The following ZZZ3 variants were observed in gnomAD, a reference collection of about 807,000 sequenced individuals.
ZZZ3 encodes the protein zinc finger ZZ-type containing 3, also known as ZZ-type zinc finger-containing protein 3.
ZZZ3 carries 22 observed loss-of-function variants against 95.2 expected under a neutral mutation model. That is an observed-to-expected ratio of 0.23 (90% CI 0.17 to 0.33). ZZZ3 has a LOEUF of 0.33. Ranked by LOEUF, ZZZ3 falls within the 10% of genes least tolerant of loss-of-function variation. ZZZ3 has a pLI of 1.00. For missense variants in ZZZ3, 885 were observed against 1,066.5 expected (o/e 0.83, Z 2.37); for synonymous variants, 335 against 358.9 (o/e 0.93, Z 0.75).
chr1:77,590,711 T>C (rs1271729149), intron 5 of ZZZ3, among the ~76,000 whole-genome samples: 1 of 152,266 alleles, frequency 6.6e-6, no homozygotes, highest in East Asian at 1.9e-4. Context: ...ATATAGATTG[T>C]GCAGTATATA....
At chr1:77,588,482 A>G (rs1244782901) in intron 5 of ZZZ3, among the ~76,000 whole-genome samples, 1 of 152,156 alleles carries the variant, frequency 6.6e-6, no homozygotes, top group Non-Finnish European at 1.5e-5. Context: ...TGTTTTATAG[A>G]GTATAAAGGG....
intron 6 of ZZZ3, among the ~76,000 whole-genome samples, 200 bp downstream of exon 6, chr1:77,584,317 A>G (rs1462182342): frequency 1.3e-5 from 2 of 152,190 alleles, no homozygotes; most frequent in Non-Finnish European, 2.9e-5. Context: ...GCTTCTAGCT[A>G]TTTTCATTTG....
At chr1:77,673,881 T>C (rs1672011645) in intron 1 of ZZZ3, among the ~76,000 whole-genome samples, 1 of 151,964 alleles carries the variant, frequency 6.6e-6, no homozygotes, top group African/African-American at 2.4e-5. Context: ...ATCATAAAAA[T>C]TAGAATGGGA....
chr1:77,623,418 A>G (rs1157426647), intron 5 of ZZZ3, among the ~76,000 whole-genome samples: 2 of 152,230 alleles, frequency 1.3e-5, no homozygotes, highest in African/African-American at 4.8e-5. Context: ...ACTACCAAGG[A>G]GCTATATAAA....
In ZZZ3 at chr1:77,578,840, T is replaced by A; in HGVS notation, c.2112A>T (p.Ile704=). 6.3e-7 allele frequency: 1 copy of A among 1,578,066 alleles called. No homozygotes were observed. Among genetic ancestry groups the A allele is most frequent in the Non-Finnish European group, 8.6e-7 (1 of 1,164,866 alleles). The change falls in exon 11 of 15, where the codon ATA becomes ATT. Residue 704 remains isoleucine (I), a synonymous_variant. Transcript: ENST00000370801. ...CTGGAATGCCAGCTTTAGTTAGCTT[T>A]ATGAAATACTTCTGTACTCGGCTGG... is the stretch of plus-strand genomic sequence containing the variant. ...QVASRVQKYF[I]KLTKAGIPVP... is the part of the protein sequence containing the mutation.
intron 1 of ZZZ3, among the ~76,000 whole-genome samples, chr1:77,676,289 C>T (rs1672261943): frequency 6.6e-6 from 1 of 152,160 alleles, no homozygotes; most frequent in South Asian, 2.1e-4. Flanking sequence ...ACCTCATCCT[C>T]CACAGTAGCT....
intron 5 of ZZZ3, among the ~76,000 whole-genome samples, chr1:77,628,409 A>G (rs1041775036): frequency 6.6e-6 from 1 of 152,196 alleles, no homozygotes; most frequent in Non-Finnish European, 1.5e-5. Flanking sequence ...GGGGTTCTCC[A>G]TTTGGAAAAA....
intron 13 of ZZZ3, among the ~76,000 whole-genome samples, chr1:77,567,486 T>C (rs1660938738): frequency 6.6e-6 from 1 of 152,220 alleles, no homozygotes; most frequent in Admixed American, 6.5e-5. Context: ...AATGTCATGT[T>C]ACTTTCTGCT....
Position 77,667,755 on chromosome 1 carries a change from T to C in ZZZ3, c.-403+14830A>G, listed in dbSNP as rs1671368583. On this transcript the variant is annotated intron_variant, in intron 1 of 14. Transcript: ENST00000370801. ...TTAATCTTATATACCATTAGTTAAA[T>C]GGGTATTCTTTTTTTTTTTTTTTTT... is the stretch of plus-strand genomic sequence containing the variant. Among the ~76,000 whole-genome samples the C allele has an allele frequency of 3.4e-5, 5 of 147,834 alleles. No individual in the cohort carries two copies. In the South Asian group the frequency reaches 1.1e-3, roughly 32 times the overall value.
chr1:77,612,435 T>G (rs1194648038), intron 5 of ZZZ3, among the ~76,000 whole-genome samples: 8 of 151,982 alleles, frequency 5.3e-5, no homozygotes, highest in African/African-American at 1.9e-4. Context: ...CAATCCCTCC[T>G]CTGGGCATTT....
In ZZZ3 at chr1:77,675,941, CTA is replaced by C. The variant is rs1672226894; in HGVS notation, c.-403+6642_-403+6643del. Among the ~76,000 whole-genome samples, 6 of 152,254 alleles carry C rather than the reference CTA, an allele frequency of 3.9e-5. No homozygotes were observed. The South Asian group carries it at 1.0e-3, about 26-fold the overall frequency. On this transcript the variant is annotated intron_variant, in intron 1 of 14. Coordinates refer to ENST00000370801, the MANE Select transcript of ZZZ3 (RefSeq NM_015534.6). ...AAATTTCAGTAAATGTATCATATTG[CTA>C]TCTCAACATTTGAAGAAGGTATTGT... is the stretch of plus-strand genomic sequence containing the variant.
intron 5 of ZZZ3, among the ~76,000 whole-genome samples, chr1:77,609,248 A>G (rs1386676571): frequency 1.3e-5 from 2 of 152,228 alleles, no homozygotes; most frequent in African/African-American, 4.8e-5. Flanking sequence ...TACTTTTATC[A>G]AACAAAATAG....
At chr1:77,588,532 GA>G (rs1255096443) in intron 5 of ZZZ3, among the ~76,000 whole-genome samples, 2 of 152,004 alleles carry the variant, frequency 1.3e-5, no homozygotes, top group Non-Finnish European at 2.9e-5. Flanking sequence ...ACAATATGAA[GA>G]AAAACCTTGT....
intron 1 of ZZZ3, among the ~76,000 whole-genome samples, chr1:77,670,490 C>T (rs1671675226): frequency 6.6e-6 from 1 of 152,040 alleles, no homozygotes. Context: ...AACTCCTGAC[C>T]TCAGATGATC....
intron 1 of ZZZ3, among the ~76,000 whole-genome samples, chr1:77,666,174 T>C (rs533193750): frequency 6.6e-6 from 1 of 152,340 alleles, no homozygotes; most frequent in African/African-American, 2.4e-5. Context: ...GCAGTGGTAA[T>C]AGCTAATATT....
In ZZZ3 at chr1:77,620,331, C is replaced by T. The variant is rs993554151; in HGVS notation, c.1505+11519G>A. ...CATGCAATGATTCATTTTAAAGAGT[C>T]GATTTTATTCTAAGACATTTACTCC... On this transcript the variant is annotated intron_variant, in intron 5 of 14. Transcript: ENST00000370801. 3.3e-5 allele frequency among the ~76,000 whole-genome samples: 5 copies of T among 152,032 alleles called. No individual in the cohort carries two copies. The South Asian group carries it at 6.2e-4, about 19-fold the overall frequency.
At chr1:77,576,262 C>A (rs1435914615) in intron 11 of ZZZ3, 42 bp from the exon 12 acceptor site, 2 of 1,492,216 alleles carry the variant, frequency 1.3e-6, no homozygotes, top group African/African-American at 2.8e-5. Flanking sequence ...AGTGAAAAAT[C>A]ATTACAAGAA....
chr1:77,640,879 T>C (rs1668720722), intron 3 of ZZZ3: 1 of 152,182 alleles, frequency 6.6e-6, no homozygotes, highest in Non-Finnish European at 1.5e-5. Flanking sequence ...AGAAAGAGAA[T>C]AGGGATAGTA....
rs1051718145 is a variant in ZZZ3, at chr1:77,633,415, T to C, written c.-51-10A>G. The C allele has an allele frequency of 6.6e-7, 1 of 1,506,248 alleles. No individual in the cohort carries two copies. The highest frequency in any genetic ancestry group is 1.4e-5 in the African/African-American group (1 of 71,402). The allele number at this position is 1,506,248 out of a possible 1,614,324, so 93.3% of individuals were successfully genotyped here. A position where few individuals can be genotyped will look rare whatever the true frequency, so the allele number is the denominator to read the frequency against. On this transcript the variant is annotated splice_polypyrimidine_tract_variant and intron_variant, in intron 4 of 14. Coordinates refer to ENST00000370801, the MANE Select transcript of ZZZ3 (RefSeq NM_015534.6). ...CCACTCATTGGGAAACCTTCAAAAATGTAAACAAAATAATGAGAAAAAGGT... is the reference window on the plus strand; with the variant it reads ...CCACTCATTGGGAAACCTTCAAAAACGTAAACAAAATAATGAGAAAAAGGT...
Sources: gnomAD v4.1 joint callset for allele counts (sites outside exome capture counted in the v4.1 genomes callset) on GRCh38, gnomAD v4.1.1 for gene constraint, MANE v1.5 for transcripts, NCBI Gene and HGNC (gene_info 2026-07-23, HGNC 2026-07-21) for gene names.